SNTB2: variants seen among roughly 807,000 people sequenced by gnomAD.
SNTB2 encodes beta-2-syntrophin.
In SNTB2, 34 loss-of-function variants were observed where a neutral mutation model predicts 46.2. The ratio of observed to expected loss-of-function variants is 0.74; its 90% CI spans 0.56 to 0.98. The LOEUF (loss-of-function observed/expected upper bound fraction) is 0.98. Ranked by LOEUF, SNTB2 falls within the 50% of genes least tolerant of loss-of-function variation. The pLI is 0.00. For synonymous variants in SNTB2, 290 were observed against 312.6 expected (o/e 0.93, Z 0.76); for missense variants, 603 against 731.4 (o/e 0.82, Z 2.02).
In SNTB2 at chr16:69,268,587, A is replaced by T. The variant is rs915644398; in HGVS notation, c.1006-1556A>T. Among the ~76,000 whole-genome samples, 6 of 152,188 alleles carry T rather than the reference A, an allele frequency of 3.9e-5. No homozygotes were observed. In the East Asian group the frequency reaches 1.2e-3, roughly 30 times the overall value. ...TTAAAAAATACAGCACAGTGAGGCC[A>T]GGCGCGTTGGCTCACGCCTGTAATC... On this transcript the variant is annotated intron_variant, in intron 3 of 6. Transcript: ENST00000336278.
intron 5 of SNTB2, among the ~76,000 whole-genome samples, chr16:69,291,947 C>G (rs1045915596): frequency 6.7e-6 from 1 of 148,464 alleles, no homozygotes; most frequent in South Asian, 2.2e-4. Context: ...AGGCTGGGCA[C>G]GGTGGCTCAC....
At chr16:69,210,080 C>T (rs1468933763) in intron 1 of SNTB2, among the ~76,000 whole-genome samples, 3 of 140,234 alleles carry the variant, frequency 2.1e-5, no homozygotes, top group African/African-American at 8.1e-5. Flanking sequence ...GGCTGGAGTG[C>T]AATGGCGCAA....
intron 1 of SNTB2, among the ~76,000 whole-genome samples, chr16:69,208,850 A>AT (rs1343527856): frequency 6.6e-6 from 1 of 152,152 alleles, no homozygotes; most frequent in Admixed American, 6.6e-5. Context: ...AAAAAAAAAA[A>AT]AATCTGGAGT....
chr16:69,292,366 AT>A (rs1231451074), intron 5 of SNTB2, among the ~76,000 whole-genome samples: 381 of 29,210 alleles, frequency 0.013, 44 homozygotes, highest in African/African-American at 0.036. Context: ...ATATATATAT[AT>A]ATATATATAT....
intron 2 of SNTB2, among the ~76,000 whole-genome samples, chr16:69,254,239 C>T (rs556758165): frequency 4.1e-4 from 63 of 152,260 alleles, no homozygotes; most frequent in Admixed American, 1.1e-3. Flanking sequence ...GTGGAGAATG[C>T]TGACAGGCTT....
intron 4 of SNTB2, among the ~76,000 whole-genome samples, chr16:69,277,027 T>C (rs1964990668): frequency 6.6e-6 from 1 of 152,230 alleles, no homozygotes; most frequent in Non-Finnish European, 1.5e-5. Context: ...AGAATGACTG[T>C]TGTCTCAAGG....
intron 5 of SNTB2, among the ~76,000 whole-genome samples, chr16:69,285,414 G>T (rs563855586): frequency 3.4e-5 from 5 of 146,398 alleles, no homozygotes; most frequent in African/African-American, 1.3e-4. Context: ...GAGTCCAGTG[G>T]CATGATCCAT....
At chr16:69,292,432 AT>A (rs1965181294) in intron 5 of SNTB2, among the ~76,000 whole-genome samples, 3 of 18,890 alleles carry the variant, frequency 1.6e-4, no homozygotes, top group African/African-American at 4.7e-4. Flanking sequence ...ATATATATAT[AT>A]ATTATATATA....
intron 1 of SNTB2, among the ~76,000 whole-genome samples, chr16:69,237,189 G>C (rs1296648339): frequency 1.3e-5 from 2 of 152,116 alleles, no homozygotes. Flanking sequence ...AGAGGATAAA[G>C]TGAGAAGTGC....
At chr16:69,271,262 TAAAGG>T (rs1270663702) in intron 4 of SNTB2, among the ~76,000 whole-genome samples, 2 of 152,188 alleles carry the variant, frequency 1.3e-5, no homozygotes, top group Non-Finnish European at 2.9e-5. Flanking sequence ...CAGAATGAAG[TAAAGG>T]ATTTGGTGAG....
rs1233537704 is a variant in SNTB2 at position 69,292,390 on chromosome 16, T to TTATA, written c.1346-7186_1346-7183dup. ...TATATATATATATATTATATATATATTATATATATATATATATTATATATA... is the reference window on the plus strand; with the variant it reads ...TATATATATATATATTATATATATATTATATATATATATATATATATTATATATA... On this transcript the variant is annotated intron_variant, in intron 5 of 6. Transcript: ENST00000336278. Among the ~76,000 whole-genome samples, 20 of 12,764 alleles carry TTATA rather than the reference T, an allele frequency of 1.6e-3. 1 individual carries two copies. The highest frequency in any genetic ancestry group is 5.9e-3 in the African/African-American group (11 of 1,858). The allele number at this position is 12,764 out of a possible 152,430, so 8.4% of individuals were successfully genotyped here.
At chr16:69,280,288 G>A (rs1965027420) in intron 4 of SNTB2, among the ~76,000 whole-genome samples, 3 of 152,196 alleles carry the variant, frequency 2.0e-5, no homozygotes, top group Non-Finnish European at 4.4e-5. Context: ...GCAACCATCC[G>A]ATTTCTCAAT....
chr16:69,275,898 G>T (rs2143134229), intron 4 of SNTB2, among the ~76,000 whole-genome samples: 1 of 152,246 alleles, frequency 6.6e-6, no homozygotes, highest in East Asian at 1.9e-4. Context: ...CAAATAACAT[G>T]CTTAGAGTAA....
chr16:69,204,798 C>T (rs1375883624), intron 1 of SNTB2, among the ~76,000 whole-genome samples: 1 of 152,176 alleles, frequency 6.6e-6, no homozygotes, highest in Non-Finnish European at 1.5e-5. Context: ...TATTTTTCCA[C>T]TCCAGTTTGC....
At chr16:69,286,712 TGA>T (rs1965106314) in intron 5 of SNTB2, among the ~76,000 whole-genome samples, 1 of 121,694 alleles carries the variant, frequency 8.2e-6, no homozygotes, top group Non-Finnish European at 1.8e-5. Flanking sequence ...TTTAATTAAA[TGA>T]AAAAAAAAAA....
chr16:69,276,328 G>C (rs117766960), intron 4 of SNTB2, among the ~76,000 whole-genome samples: 2,201 of 152,274 alleles, frequency 0.014, 17 homozygotes, highest in Non-Finnish European at 0.019. Flanking sequence ...TCCACAAAAG[G>C]GGGGCCTTTT....
At chr16:69,286,403 G>A (rs1965102297) in intron 5 of SNTB2, among the ~76,000 whole-genome samples, 1 of 152,158 alleles carries the variant, frequency 6.6e-6, no homozygotes, top group African/African-American at 2.4e-5. Context: ...GAAAAATGAA[G>A]CTGGGTACAC....
At chr16:69,243,469 G>T (rs905032412) in intron 1 of SNTB2, among the ~76,000 whole-genome samples, 5 of 152,214 alleles carry the variant, frequency 3.3e-5, no homozygotes, top group African/African-American at 1.2e-4. Context: ...TTTAGGATGT[G>T]TGTAGTAATC....
At chr16:69,259,902 G>C (rs1964818911) in intron 2 of SNTB2, 148 bp from the exon 3 acceptor site, 8 of 698,588 alleles carry the variant, frequency 1.1e-5, no homozygotes, top group Admixed American at 2.3e-5. Flanking sequence ...GAGCCACCGT[G>C]CCCAGCCAAG....
Sources: allele counts gnomAD v4.1 joint callset (sites outside exome capture counted in the v4.1 genomes callset), GRCh38; gene constraint gnomAD v4.1.1; transcripts MANE v1.5; gene names NCBI Gene and HGNC (gene_info 2026-07-23, HGNC 2026-07-21).